The following ITPK1 variants were observed in gnomAD, a reference collection of about 807,000 sequenced individuals.
ITPK1 encodes inositol-tetrakisphosphate 1-kinase.
In ITPK1, 21 loss-of-function variants were observed where a neutral mutation model predicts 45.3. That is an observed-to-expected ratio of 0.46 (90% CI 0.33 to 0.67). The LOEUF is 0.67. ITPK1 is among the 30% of genes least tolerant of loss of function. ITPK1 has a pLI of 0.02. For missense variants in ITPK1, 474 were observed against 573.5 expected (o/e 0.83, Z 1.77); for synonymous variants, 258 against 253.6 (o/e 1.02, Z -0.16).
chr14:93,071,622 C>G (rs1891008139), intron 3 of ITPK1: 1 of 152,154 alleles, frequency 6.6e-6, no homozygotes, highest in Admixed American at 6.5e-5. Context: ...CCAATGGTAT[C>G]TAAATACCAC....
At chr14:92,984,724 C>A in intron 5 of ITPK1, among the ~76,000 whole-genome samples, 1 of 152,182 alleles carries the variant, frequency 6.6e-6, no homozygotes, top group East Asian at 1.9e-4. Flanking sequence ...CAAGGTGCCA[C>A]CTGGTGCCCT....
At chr14:93,035,381 G>A (rs778483272) in intron 3 of ITPK1, among the ~76,000 whole-genome samples, 4 of 152,206 alleles carry the variant, frequency 2.6e-5, no homozygotes, top group African/African-American at 7.2e-5. Context: ...GTCAAAAGCC[G>A]ACTCAAAGGA....
intron 5 of ITPK1, among the ~76,000 whole-genome samples, chr14:92,963,119 A>C (rs1417918498): frequency 6.6e-6 from 1 of 152,274 alleles, no homozygotes; most frequent in African/African-American, 2.4e-5. Context: ...AAAAATGTAC[A>C]TATTGACAAG....
chr14:93,029,650 G>C (rs1404653573), intron 3 of ITPK1, among the ~76,000 whole-genome samples: 1 of 152,130 alleles, frequency 6.6e-6, no homozygotes, highest in Non-Finnish European at 1.5e-5. Flanking sequence ...AGATGCCACA[G>C]CTCTGACAAC....
intron 2 of ITPK1, among the ~76,000 whole-genome samples, chr14:93,080,344 G>A (rs1270641096): frequency 1.3e-5 from 2 of 152,218 alleles, no homozygotes; most frequent in Non-Finnish European, 2.9e-5. Flanking sequence ...CTTCAATGTT[G>A]TGCCATGTGC....
At chr14:92,959,678 G>A (rs1278390742) in intron 7 of ITPK1, among the ~76,000 whole-genome samples, 1 of 151,890 alleles carries the variant, frequency 6.6e-6, no homozygotes, top group Admixed American at 6.6e-5. Flanking sequence ...TGGCTTCAGG[G>A]ATGCTTTGAG....
At chr14:93,026,378 T>C (rs1888728281) in intron 3 of ITPK1, among the ~76,000 whole-genome samples, 1 of 152,142 alleles carries the variant, frequency 6.6e-6, no homozygotes. Context: ...TACAAAAGGC[T>C]TCCAACATAT....
chr14:93,069,362 G>GCCC (rs1465517298), intron 3 of ITPK1: 1 of 154,052 alleles, frequency 6.5e-6, no homozygotes, highest in Non-Finnish European at 1.5e-5. Flanking sequence ...TCTCTCACTA[G>GCCC]CCCCCTCAAG....
intron 9 of ITPK1, among the ~76,000 whole-genome samples, chr14:92,948,544 C>T (rs1887791444): frequency 6.6e-6 from 1 of 152,036 alleles, no homozygotes; most frequent in Non-Finnish European, 1.5e-5. Context: ...CACTATCTTT[C>T]CCAGGCTGGT....
At chr14:92,942,984 G>A (rs923811329) in intron 10 of ITPK1, among the ~76,000 whole-genome samples, 1 of 152,250 alleles carries the variant, frequency 6.6e-6, no homozygotes, top group Non-Finnish European at 1.5e-5. Context: ...GTGCCCAGGG[G>A]CCTGGAAGAT....
chr14:92,996,284 G>C (rs1887052418), intron 4 of ITPK1, among the ~76,000 whole-genome samples: 1 of 152,138 alleles, frequency 6.6e-6, no homozygotes. Flanking sequence ...AACATTAAAA[G>C]GTCATCCACT....
chr14:92,965,697 T>C (rs953818830), intron 5 of ITPK1, among the ~76,000 whole-genome samples: 3 of 152,246 alleles, frequency 2.0e-5, no homozygotes, highest in African/African-American at 7.2e-5. Flanking sequence ...CTGTACTTTT[T>C]TAATTTTTAA....
chr14:93,097,552 T>C (rs1345990895), intron 2 of ITPK1, among the ~76,000 whole-genome samples: 2 of 152,146 alleles, frequency 1.3e-5, no homozygotes, highest in Non-Finnish European at 2.9e-5. Flanking sequence ...AACTGTGGGA[T>C]GAAAAAATGC....
chr14:93,075,278 G>T (rs1240977444), intron 3 of ITPK1, among the ~76,000 whole-genome samples: 3 of 124,090 alleles, frequency 2.4e-5, no homozygotes, highest in Non-Finnish European at 4.8e-5. Context: ...AGTGAGCTGA[G>T]ATAGCTCCAC....
intron 2 of ITPK1, among the ~76,000 whole-genome samples, chr14:93,092,127 A>AG (rs762527684): frequency 1.3e-5 from 2 of 152,230 alleles, no homozygotes; most frequent in East Asian, 1.9e-4. Flanking sequence ...GAGGTCACAG[A>AG]GAAGTCAAGG....
At chr14:93,092,989 C>G (rs1891924418) in intron 2 of ITPK1, among the ~76,000 whole-genome samples, 1 of 152,222 alleles carries the variant, frequency 6.6e-6, no homozygotes, top group African/African-American at 2.4e-5. Flanking sequence ...CCTAGAGGAA[C>G]CTCTGTCCCA....
intron 5 of ITPK1, among the ~76,000 whole-genome samples, chr14:92,982,770 C>T (rs1184521714): frequency 1.3e-5 from 2 of 152,206 alleles, no homozygotes; most frequent in Non-Finnish European, 2.9e-5. Flanking sequence ...GGGGGAAACG[C>T]AATTGTGATA....
chr14:93,099,396 T>C lies in ITPK1; in HGVS notation c.95+15673A>G, dbSNP rs779192270. Among the ~76,000 whole-genome samples the C allele has an allele frequency of 3.9e-5, 6 of 152,168 alleles. No individual in the cohort carries two copies. The East Asian group carries it at 7.7e-4, about 20-fold the overall frequency. On this transcript the variant is annotated intron_variant, in intron 2 of 10. Transcript: ENST00000267615. ...TGTGTTTACATAACACGAGATTGTT[T>C]AGCTCCAGAACACATCAGTGTCAAA...
chr14:93,105,945 T>C (rs1032556078), intron 2 of ITPK1, among the ~76,000 whole-genome samples: 1 of 152,088 alleles, frequency 6.6e-6, no homozygotes, highest in Non-Finnish European at 1.5e-5. Flanking sequence ...CCTCAGGTGA[T>C]CCGCCCGCCT....
Sources: allele counts gnomAD v4.1 joint callset (sites outside exome capture counted in the v4.1 genomes callset), GRCh38; gene constraint gnomAD v4.1.1; transcripts MANE v1.5; gene names NCBI Gene and HGNC (gene_info 2026-07-23, HGNC 2026-07-21).